Variants in ERG observed in about 807,000 individuals in gnomAD.
ERG encodes ETS transcription factor ERG.
ERG carries 9 observed loss-of-function variants against 55.3 expected under a neutral mutation model. The observed-to-expected ratio is 0.16, with a 90% confidence interval of 0.10 to 0.28. The LOEUF (loss-of-function observed/expected upper bound fraction) is 0.28, where lower values mean the gene tolerates loss of function less well. ERG is among the 10% of genes least tolerant of loss of function. The pLI is 1.00. For synonymous variants in ERG, 223 were observed against 237.3 expected (o/e 0.94, Z 0.55); for missense variants, 434 against 631.6 (o/e 0.69, Z 3.35).
chr21:38,599,274 C>G (rs1177283110), intron 1 of ERG, among the ~76,000 whole-genome samples: 1 of 151,976 alleles, frequency 6.6e-6, no homozygotes, highest in African/African-American at 2.4e-5. Flanking sequence ...GTGAGCCAGC[C>G]CTGACAGAAA....
At chr21:38,532,453 C>G (rs2059679480) in intron 2 of ERG, among the ~76,000 whole-genome samples, 1 of 152,072 alleles carries the variant, frequency 6.6e-6, no homozygotes, top group Admixed American at 6.6e-5. Context: ...CTAAAAGAAG[C>G]CTTGACACCT....
At chr21:38,610,525 G>C (rs886858621) in intron 1 of ERG, among the ~76,000 whole-genome samples, 1 of 114,460 alleles carries the variant, frequency 8.7e-6, no homozygotes, top group African/African-American at 3.4e-5. Flanking sequence ...GCGCGCACGC[G>C]CGTGTGTGTG....
intron 1 of ERG, among the ~76,000 whole-genome samples, chr21:38,658,313 A>G (rs1183384662): frequency 6.6e-6 from 1 of 152,248 alleles, no homozygotes; most frequent in Non-Finnish European, 1.5e-5. Flanking sequence ...CCCAGGCTCC[A>G]TAAGTCTCAT....
chr21:38,582,308 G>A (rs966160004), intron 1 of ERG, among the ~76,000 whole-genome samples: 2 of 152,160 alleles, frequency 1.3e-5, no homozygotes, highest in Admixed American at 6.5e-5. Context: ...AAGTGAGGAC[G>A]GTGTTGGGGA....
intron 2 of ERG, among the ~76,000 whole-genome samples, chr21:38,429,765 C>CACACT (rs1990118745): frequency 1.6e-5 from 2 of 127,208 alleles, no homozygotes; most frequent in South Asian, 2.7e-4. Context: ...ACACACACAC[C>CACACT]ACATTTTCTT....
chr21:38,620,228 T>C (rs761629319), intron 1 of ERG, among the ~76,000 whole-genome samples: 8 of 152,270 alleles, frequency 5.3e-5, no homozygotes, highest in Non-Finnish European at 7.3e-5. Flanking sequence ...TGGTTTGATA[T>C]GGCTGGTGTG....
At chr21:38,643,982 T>A (rs2060440940) in intron 1 of ERG, among the ~76,000 whole-genome samples, 1 of 152,140 alleles carries the variant, frequency 6.6e-6, no homozygotes, top group Non-Finnish European at 1.5e-5. Flanking sequence ...CAAGGGACAG[T>A]CCCCTCTGCT....
In ERG at chr21:38,383,370, T is replaced by G. The variant is rs769946588; in HGVS notation, c.*33A>C. The G allele has an allele frequency of 1.1e-5, 16 of 1,471,618 alleles. No homozygotes were observed. Among genetic ancestry groups the G allele is most frequent in the Non-Finnish European group, 1.4e-5 (15 of 1,108,758 alleles). 91.2% of individuals were successfully genotyped at this position (1,471,618 alleles called of 1,614,324 possible). On this transcript the variant is annotated 3_prime_UTR_variant, in exon 10 of 10. Coordinates refer to ENST00000288319, the MANE Select transcript of ERG (RefSeq NM_182918.4). The surrounding 1 kb of genome is among the most constrained non-coding windows in gnomAD (Gnocchi z 5.7). ...GAGTTTGTGGCGATGGGCTGGTGAA[T>G]GCACGCTGATGGGAAAAGCCTCCGC...
At chr21:38,646,564 G>A (rs558352211) in intron 1 of ERG, among the ~76,000 whole-genome samples, 21 of 152,214 alleles carry the variant, frequency 1.4e-4, no homozygotes, top group African/African-American at 4.6e-4. Context: ...GTATCACTGG[G>A]TCATTTCTAG....
downstream of ERG, among the ~76,000 whole-genome samples, chr21:38,377,171 C>T (rs1180672260): frequency 6.6e-6 from 1 of 152,196 alleles, no homozygotes; most frequent in African/African-American, 2.4e-5. Flanking sequence ...CGGTATTGTG[C>T]AAGTTAAATG....
intron 2 of ERG, among the ~76,000 whole-genome samples, chr21:38,572,113 T>C (rs1409220643): frequency 2.0e-5 from 3 of 151,674 alleles, no homozygotes; most frequent in Non-Finnish European, 4.4e-5. Flanking sequence ...TCCCAGCACT[T>C]TGGGAGGCCA....
intron 2 of ERG, among the ~76,000 whole-genome samples, chr21:38,427,924 C>T (rs1479253410): frequency 6.6e-6 from 1 of 152,094 alleles, no homozygotes; most frequent in East Asian, 1.9e-4. Flanking sequence ...CAGTGGCTCA[C>T]GCATATAATC....
upstream of ERG, among the ~76,000 whole-genome samples, chr21:38,500,599 GCTCT>G (rs548419527): frequency 6.6e-6 from 1 of 151,424 alleles, no homozygotes; most frequent in African/African-American, 2.4e-5. Context: ...TCTCACACAT[GCTCT>G]CTCTCTCTCA....
At chr21:38,467,118 T>C (rs1439027129) in intron 1 of ERG, among the ~76,000 whole-genome samples, 3 of 152,088 alleles carry the variant, frequency 2.0e-5, no homozygotes, top group Admixed American at 2.0e-4. Context: ...AAAGACTTGG[T>C]TTTTTATCTA....
intron 1 of ERG, among the ~76,000 whole-genome samples, chr21:38,593,069 C>T (rs1055405689): frequency 6.6e-6 from 1 of 152,196 alleles, no homozygotes; most frequent in Non-Finnish European, 1.5e-5. Context: ...AGTTCTTTCT[C>T]AGCCTTGCCG....
intron 1 of ERG, among the ~76,000 whole-genome samples, chr21:38,612,728 A>G (rs2060235344): frequency 6.6e-6 from 1 of 150,898 alleles, no homozygotes; most frequent in South Asian, 2.1e-4. Flanking sequence ...CAGTGGTGCA[A>G]TCTCGGCTCA....
chr21:38,415,644 C>A (rs1313159109), intron 3 of ERG, among the ~76,000 whole-genome samples: 2 of 152,076 alleles, frequency 1.3e-5, no homozygotes, highest in Non-Finnish European at 2.9e-5. Context: ...GTCATTTCAC[C>A]AGCAGGTTCT....
intron 3 of ERG, among the ~76,000 whole-genome samples, chr21:38,409,922 T>C (rs1309817228): frequency 6.6e-6 from 1 of 152,236 alleles, no homozygotes; most frequent in East Asian, 1.9e-4. Flanking sequence ...AACTTGGTGA[T>C]GAAAATAAAA....
intron 1 of ERG, among the ~76,000 whole-genome samples, chr21:38,632,351 T>C (rs758928667): frequency 5.3e-5 from 8 of 152,158 alleles, no homozygotes; most frequent in Admixed American, 1.3e-4. Flanking sequence ...ATGAACACTA[T>C]AATTTTTTAA....
Sources: allele counts gnomAD v4.1 joint callset (sites outside exome capture counted in the v4.1 genomes callset), GRCh38; gene constraint gnomAD v4.1.1; non-coding constraint Gnocchi (gnomAD v3.1); transcripts MANE v1.5; gene names NCBI Gene and HGNC (gene_info 2026-07-23, HGNC 2026-07-21).